The following SPRED1 variants were observed in gnomAD, a reference collection of about 807,000 sequenced individuals.
SPRED1 encodes the protein sprouty-related, EVH1 domain-containing protein 1.
In SPRED1, 18 loss-of-function variants were observed where a neutral mutation model predicts 52.3. The ratio of observed to expected loss-of-function variants is 0.34; its 90% CI spans 0.24 to 0.51. The LOEUF is 0.51. SPRED1 is among the 20% of genes least tolerant of loss of function. The probability of loss-of-function intolerance (pLI) is 0.97; values close to 1 mark genes in which losing one functional copy is unlikely to be tolerated. For missense variants in SPRED1, 485 were observed against 551.0 expected, an observed-to-expected ratio of 0.88 and a Z score of 1.20; for synonymous variants, 155 against 179.7, an observed-to-expected ratio of 0.86 and a Z score of 1.10.
chr15:38,324,390 G>A (rs1260888505), intron 3 of SPRED1, among the ~76,000 whole-genome samples: 1 of 152,030 alleles, frequency 6.6e-6, no homozygotes, highest in Non-Finnish European at 1.5e-5. Context: ...CTGTTTCCTG[G>A]GTCAAAGCAT....
At chr15:38,281,559 A>ATTTTTTTTTTTT (rs542005244) in intron 1 of SPRED1, among the ~76,000 whole-genome samples, 2 of 100,742 alleles carry the variant, frequency 2.0e-5, no homozygotes, top group Admixed American at 1.3e-4. Context: ...TGCCCATCTA[A>ATTTTTTTTTTTT]TTTTTTTTTT....
At chr15:38,295,312 A>G (rs985534591) in intron 1 of SPRED1, among the ~76,000 whole-genome samples, 1 of 152,184 alleles carries the variant, frequency 6.6e-6, no homozygotes, top group African/African-American at 2.4e-5. Flanking sequence ...TGTTTTAAGA[A>G]ATTTATGAAT....
chr15:38,271,863 G>A (rs138181555), intron 1 of SPRED1, among the ~76,000 whole-genome samples: 1 of 152,276 alleles, frequency 6.6e-6, no homozygotes, highest in African/African-American at 2.4e-5. Context: ...CACCCAGGTA[G>A]TAAGCATAGT....
chr15:38,291,101 A>G (rs1894915005), intron 1 of SPRED1, among the ~76,000 whole-genome samples: 1 of 152,216 alleles, frequency 6.6e-6, no homozygotes, highest in South Asian at 2.1e-4. Context: ...GTATTGGGTA[A>G]ATACAGCCAT....
chr15:38,357,104 T>G lies in SPRED1; in HGVS notation c.*5440T>G, dbSNP rs917966244. The G allele has an allele frequency of 1.3e-5, 2 of 152,204 alleles. No individual in the cohort carries two copies. The highest frequency in any genetic ancestry group is 4.8e-5 in the African/African-American group (2 of 41,466). The allele number at this position is 152,204 out of a possible 1,614,324, so 9.4% of individuals were successfully genotyped here. On this transcript the variant is annotated 3_prime_UTR_variant, in exon 7 of 7. Transcript: ENST00000299084. ...AATATAAGTGTCATGCACATAGTGC[T>G]CCTTAAAGAAAAAGACATCGACATC...
intron 1 of SPRED1, among the ~76,000 whole-genome samples, chr15:38,290,433 A>G (rs1894898622): frequency 6.6e-6 from 1 of 152,200 alleles, no homozygotes; most frequent in Admixed American, 6.5e-5. Context: ...TTCATCTCTC[A>G]TATTTTAATT....
At chr15:38,348,356 A>T (rs1345483121) in intron 5 of SPRED1, among the ~76,000 whole-genome samples, 1 of 151,874 alleles carries the variant, frequency 6.6e-6, no homozygotes, top group Non-Finnish European at 1.5e-5. Context: ...AATGGCCTCC[A>T]TATTGTATCA....
intron 2 of SPRED1, 77 bp downstream of exon 2, chr15:38,299,624 T>C: frequency 2.1e-6 from 3 of 1,432,608 alleles, no homozygotes; most frequent in Non-Finnish European, 1.9e-6. Flanking sequence ...TATACTGTTG[T>C]GAGTTTTTTT....
At chr15:38,323,109 A>G (rs1469423392) in intron 3 of SPRED1, among the ~76,000 whole-genome samples, 1 of 152,086 alleles carries the variant, frequency 6.6e-6, no homozygotes, top group East Asian at 1.9e-4. Flanking sequence ...CTAACTTTCT[A>G]TATAAAGTAA....
chr15:38,328,660 T>A (rs971625401), intron 4 of SPRED1, among the ~76,000 whole-genome samples: 10 of 152,136 alleles, frequency 6.6e-5, no homozygotes, highest in Non-Finnish European at 1.5e-4. Context: ...AAGGTGTGAA[T>A]GTTCTTTTCA....
chr15:38,279,497 T>C (rs749070470), intron 1 of SPRED1, among the ~76,000 whole-genome samples: 1 of 152,216 alleles, frequency 6.6e-6, no homozygotes, highest in Non-Finnish European at 1.5e-5. Context: ...TGTATGTGGT[T>C]TTGTGCCAAA....
At chr15:38,296,585 TCTA>T (rs1007873757) in intron 1 of SPRED1, among the ~76,000 whole-genome samples, 9 of 152,192 alleles carry the variant, frequency 5.9e-5, no homozygotes, top group Non-Finnish European at 1.3e-4. Context: ...GCTCATGGAT[TCTA>T]CTAAGAATTT....
chr15:38,310,647 A>G (rs1895347556), intron 2 of SPRED1, among the ~76,000 whole-genome samples: 1 of 152,116 alleles, frequency 6.6e-6, no homozygotes, highest in Non-Finnish European at 1.5e-5. Flanking sequence ...CAACACATAG[A>G]TCTTATATGT....
intron 1 of SPRED1, among the ~76,000 whole-genome samples, chr15:38,253,560 A>G (rs561531515): frequency 6.6e-6 from 1 of 152,150 alleles, no homozygotes; most frequent in African/African-American, 2.4e-5. Flanking sequence ...CATACCAGTC[A>G]CCATACCTTC....
intron 1 of SPRED1, among the ~76,000 whole-genome samples, chr15:38,279,833 A>C (rs1302671486): frequency 2.0e-5 from 3 of 152,216 alleles, no homozygotes; most frequent in Admixed American, 2.0e-4. Context: ...TACATGACAA[A>C]CACTTATGGG....
chr15:38,341,361 G>A (rs1896026386), intron 5 of SPRED1, among the ~76,000 whole-genome samples: 1 of 148,548 alleles, frequency 6.7e-6, no homozygotes, highest in Admixed American at 6.7e-5. Context: ...TACCCTTCTT[G>A]GTTTTAGATT....
At chr15:38,291,494 A>G (rs1311184897) in intron 1 of SPRED1, among the ~76,000 whole-genome samples, 1 of 152,214 alleles carries the variant, frequency 6.6e-6, no homozygotes, top group Non-Finnish European at 1.5e-5. Flanking sequence ...TCCCTTCCAC[A>G]CTGCCCTAGC....
chr15:38,329,384 G>C (rs1453545924), intron 4 of SPRED1, among the ~76,000 whole-genome samples: 1 of 152,210 alleles, frequency 6.6e-6, no homozygotes, highest in East Asian at 1.9e-4. Flanking sequence ...TTTGCTTTAG[G>C]CAAGGGATAT....
chr15:38,321,355 T>G (rs558231151), intron 2 of SPRED1, among the ~76,000 whole-genome samples: 1 of 152,272 alleles, frequency 6.6e-6, no homozygotes, highest in Admixed American at 6.5e-5. Context: ...GCTTCATGCA[T>G]TGCATGAAGC....
Sources: gnomAD v4.1 joint callset for allele counts (sites outside exome capture counted in the v4.1 genomes callset) on GRCh38, gnomAD v4.1.1 for gene constraint, MANE v1.5 for transcripts, NCBI Gene and HGNC (gene_info 2026-07-23, HGNC 2026-07-21) for gene names.